Variants in RFC5 observed in about 807,000 individuals in gnomAD.
RFC5 encodes A1 36 kDa subunit.
In RFC5, 26 loss-of-function variants were observed where a neutral mutation model predicts 44.3. The ratio of observed to expected loss-of-function variants is 0.59; its 90% CI spans 0.43 to 0.81. RFC5 has a LOEUF of 0.81. RFC5 is among the 40% of genes least tolerant of loss of function. RFC5 has a pLI of 0.00. For missense variants in RFC5, 328 were observed against 418.6 expected, an observed-to-expected ratio of 0.78 and a Z score of 1.89; for synonymous variants, 155 against 155.2, an observed-to-expected ratio of 1.00 and a Z score of 0.01.
At position 118,031,373 on chromosome 12, in the gene RFC5, G is replaced by C. The variant is rs1459603833; in HGVS notation, c.*95G>C. The C allele has an allele frequency of 9.0e-6, 7 of 778,150 alleles. No individual in the cohort carries two copies. The East Asian group carries it at 1.0e-4, about 12-fold the overall frequency. 48.2% of individuals were successfully genotyped at this position (778,150 alleles called of 1,614,324 possible). On this transcript the variant is annotated 3_prime_UTR_variant, in exon 11 of 11. Coordinates refer to ENST00000454402, the MANE Select transcript of RFC5 (RefSeq NM_007370.7). ...AAACTGCTGCCTGGGGCTGTGGGATGAATCAGTCACCCCGAATCTTGGAAA... is the reference window on the plus strand; with the variant it reads ...AAACTGCTGCCTGGGGCTGTGGGATCAATCAGTCACCCCGAATCTTGGAAA...
chr12:118,035,451 C>T (rs545003006), downstream of RFC5: 54 of 749,032 alleles, frequency 7.2e-5, no homozygotes, highest in South Asian at 3.9e-4. Context: ...GTGTGCCCCT[C>T]GTGGAAAAGC....
chr12:118,034,985 C>A, downstream of RFC5: 1 of 1,614,030 alleles, frequency 6.2e-7, no homozygotes, highest in Non-Finnish European at 8.5e-7. Flanking sequence ...CAAATACATA[C>A]CCTGTGGCAA....
Position 118,016,746 on chromosome 12 carries a change from G to A in RFC5, c.-82G>A. 1.7e-6 allele frequency: 2 copies of A among 1,159,420 alleles called. No individual in the cohort carries two copies. Among genetic ancestry groups the A allele is most frequent in the Non-Finnish European group, 2.5e-6 (2 of 790,108 alleles). The allele number at this position is 1,159,420 out of a possible 1,614,324, so 71.8% of individuals were successfully genotyped here. A position where few individuals can be genotyped will look rare whatever the true frequency, so the allele number is the denominator to read the frequency against. ...CGAACTGTAAGTGCCAGGGTCTCAGGGTCAGGTCGCGGCTGGTCACTGTGC... is the reference window on the plus strand; with the variant it reads ...CGAACTGTAAGTGCCAGGGTCTCAGAGTCAGGTCGCGGCTGGTCACTGTGC... On this transcript the variant is annotated 5_prime_UTR_variant, in exon 1 of 11. Transcript: ENST00000454402.
At chr12:118,039,194 C>T in the RFC5 span, among the ~76,000 whole-genome samples, 2 of 152,252 alleles carry the variant, frequency 1.3e-5, no homozygotes, top group East Asian at 1.9e-4. Flanking sequence ...ACTAGGGGCA[C>T]ACATTCTAGA....
intron 1 of RFC5, chr12:118,017,569 G>T: frequency 4.1e-6 from 3 of 735,394 alleles, no homozygotes; most frequent in Non-Finnish European, 5.3e-6. Context: ...GCTTGGCTTC[G>T]AAAAGCTGCA....
downstream of RFC5, among the ~76,000 whole-genome samples, chr12:118,037,699 A>G (rs1370927292): frequency 1.3e-5 from 2 of 151,822 alleles, no homozygotes; most frequent in African/African-American, 4.8e-5. Flanking sequence ...AAAAGAAAAG[A>G]AAACCCTCCA....
At chr12:118,027,913 G>T in intron 8 of RFC5, 40 bp from the exon 9 acceptor site, 1 of 1,290,234 alleles carries the variant, frequency 7.8e-7, no homozygotes, top group Non-Finnish European at 1.1e-6. Flanking sequence ...CAGTATGTTT[G>T]TTCTGGAACT....
chr12:118,026,302 G>GA (rs1004368145), intron 7 of RFC5, among the ~76,000 whole-genome samples: 3 of 151,756 alleles, frequency 2.0e-5, no homozygotes, highest in Admixed American at 1.3e-4. Context: ...TTGATTAATT[G>GA]AAAAAATCAC....
downstream of RFC5, chr12:118,034,458 G>T: frequency 7.1e-7 from 1 of 1,407,230 alleles, no homozygotes; most frequent in Non-Finnish European, 9.7e-7. Context: ...AAGAGCAGGA[G>T]ACTTCGGAGA....
Position 118,027,029 on chromosome 12 carries a change from T to C in RFC5, c.793+11T>C, listed in dbSNP as rs778595228. 2.1e-5 allele frequency: 34 copies of C among 1,609,736 alleles called. No individual in the cohort carries two copies. In the Admixed American group the frequency reaches 5.3e-4, roughly 25 times the overall value. On this transcript the variant is annotated intron_variant, in intron 8 of 10. Coordinates refer to ENST00000454402, the MANE Select transcript of RFC5 (RefSeq NM_007370.7). ...CCACAGCCTACAGAAGTATCCTTTC[T>C]CATGACCTCCTGGCCACCGAGACCT...
downstream of RFC5, chr12:118,035,942 A>C (rs2031499612): frequency 1.2e-5 from 2 of 167,724 alleles, no homozygotes; most frequent in South Asian, 3.1e-4. Context: ...GCAGTGGCTC[A>C]TGCCTATAAT....
chr12:118,033,874 A>G, downstream of RFC5: 1 of 315,582 alleles, frequency 3.2e-6, no homozygotes, highest in Non-Finnish European at 6.1e-6. Context: ...TAGTTGCATA[A>G]TCAAAACAAC....
intron 9 of RFC5, among the ~76,000 whole-genome samples, chr12:118,029,159 C>A (rs1255637424): frequency 1.3e-5 from 2 of 152,220 alleles, no homozygotes; most frequent in African/African-American, 4.8e-5. Context: ...GTGGCTGACG[C>A]CTGTAATCCC....
At chr12:118,027,683 A>AAAAAAG (rs537429510) in intron 8 of RFC5, among the ~76,000 whole-genome samples, 209 of 149,244 alleles carry the variant, frequency 1.4e-3, no homozygotes, top group Non-Finnish European at 2.5e-3. Flanking sequence ...AAAAAAAAAA[A>AAAAAAG]AAAGAAAGAA....
At chr12:118,025,324 G>A (rs1754610874) in intron 6 of RFC5, 1 of 336,312 alleles carries the variant, frequency 3.0e-6, no homozygotes, top group South Asian at 5.6e-5. Context: ...GATGCTTCCA[G>A]CCTTTTTAGA....
In RFC5 at chr12:118,022,374, T is replaced by A; in HGVS notation, c.421+15T>A. ...CTTGAGAAGAGGTAAGCAGAGGCAC[T>A]GTGGAGCGTTTGGGCTGGTGTGCAC... On this transcript the variant is annotated intron_variant, in intron 5 of 10. Transcript: ENST00000454402. The A allele has an allele frequency of 6.3e-7, 1 of 1,587,216 alleles. No homozygotes were observed. The highest frequency in any genetic ancestry group is 2.2e-5 in the East Asian group (1 of 44,752).
At chr12:118,017,635 C>A in intron 1 of RFC5, 3 of 1,026,066 alleles carry the variant, frequency 2.9e-6, no homozygotes, top group South Asian at 2.2e-5. Context: ...TAAAAAAAAC[C>A]CAGAAGATTG....
In RFC5 at chr12:118,016,787, GCGA is replaced by G; in HGVS notation, c.-37_-35del. 6.4e-7 allele frequency: 1 copy of G among 1,568,262 alleles called. No individual in the cohort carries two copies. The highest frequency in any genetic ancestry group is 8.7e-7 in the Non-Finnish European group (1 of 1,149,782). On this transcript the variant is annotated 5_prime_UTR_variant, in exon 1 of 11. Transcript: ENST00000454402. Reference sequence around the variant, plus strand: ...GTCACTGTGCAGGCGCTTGGGTGACGCGACGATCTCAGCGGATCTGGTCACCTT... The same window carrying G: ...GTCACTGTGCAGGCGCTTGGGTGACGCGATCTCAGCGGATCTGGTCACCTT...
At chr12:118,034,574 G>GCGCTCTCTCTCTCTCTCTCTCT (rs1555267392), downstream of RFC5, 3 of 528,462 alleles carry the variant, frequency 5.7e-6, no homozygotes, top group Admixed American at 3.8e-5. Context: ...ATACCAAAGC[G>GCGCTCTCTCTCTCTCTCTCTCT]CTCTCTCTGT....
Sources: allele counts gnomAD v4.1 joint callset (sites outside exome capture counted in the v4.1 genomes callset), GRCh38; gene constraint gnomAD v4.1.1; transcripts MANE v1.5; gene names NCBI Gene and HGNC (gene_info 2026-07-23, HGNC 2026-07-21).